LRRK1: variants seen among roughly 807,000 people sequenced by gnomAD.
LRRK1 encodes leucine rich repeat kinase 1.
LRRK1 carries 113 observed loss-of-function variants against 209.1 expected under a neutral mutation model. The ratio of observed to expected loss-of-function variants is 0.54; its 90% CI spans 0.46 to 0.63. The LOEUF is 0.63. Among genes scored for constraint, LRRK1 ranks in the 30% least tolerant of loss-of-function variants. LRRK1 has a pLI of 0.00. For missense variants in LRRK1, 2,284 were observed against 2,632.2 expected (o/e 0.87, Z 2.89); for synonymous variants, 1,144 against 1,099.7 (o/e 1.04, Z -0.80).
chr15:101,015,336 G>A lies in LRRK1; in HGVS notation c.1543G>A (p.Gly515Arg). Reference sequence around the variant, plus strand: ...TTTTCCTCCCCCCAGAAATGAAGATGGACTGAAAACGAAGCGTATTGCCTT... The same window carrying A: ...TTTTCCTCCCCCCAGAAATGAAGATAGACTGAAAACGAAGCGTATTGCCTT... ...SRNQLGKNED[G>R]LKTKRIAFFT... Residue 515 changes from glycine (G) to arginine (R), a missense_variant, in exon 12 of 34, where the codon GGA becomes AGA. Transcript: ENST00000388948. 6.2e-7 allele frequency: 1 copy of A among 1,613,596 alleles called. No homozygotes were observed. The highest frequency in any genetic ancestry group is 1.1e-5 in the South Asian group (1 of 91,000).
rs559716013 is a variant in LRRK1, at chr15:100,974,906, G to A, written c.261+939G>A. On this transcript the variant is annotated intron_variant, in intron 3 of 33. Coordinates refer to ENST00000388948, the MANE Select transcript of LRRK1 (RefSeq NM_024652.6). ...GCTATTATCATGAAAATACCTTAAG[G>A]ATGTTTTATTTGCATCACTTTGATT... Among the ~76,000 whole-genome samples the A allele has an allele frequency of 2.6e-5, 4 of 152,298 alleles. No individual in the cohort carries two copies. The South Asian group carries it at 8.3e-4, about 32-fold the overall frequency.
chr15:101,026,794 C>T (rs962278722), intron 17 of LRRK1, among the ~76,000 whole-genome samples: 3 of 152,190 alleles, frequency 2.0e-5, no homozygotes, highest in Non-Finnish European at 2.9e-5. Context: ...TTCCCTCGCC[C>T]GGGGCAGAGC....
intron 2 of LRRK1, among the ~76,000 whole-genome samples, chr15:100,947,749 C>T (rs1390529408): frequency 6.6e-6 from 1 of 152,156 alleles, no homozygotes; most frequent in African/African-American, 2.4e-5. Flanking sequence ...AGGAAGCTAT[C>T]ATGAAGAAGA....
chr15:100,927,625 A>G (rs1451026962), intron 2 of LRRK1, among the ~76,000 whole-genome samples: 2 of 152,202 alleles, frequency 1.3e-5, no homozygotes, highest in Non-Finnish European at 2.9e-5. Flanking sequence ...AATACAGAGA[A>G]CACAGAGTTG....
At chr15:100,956,937 A>G (rs138311091) in intron 2 of LRRK1, among the ~76,000 whole-genome samples, 47 of 152,288 alleles carry the variant, frequency 3.1e-4, no homozygotes, top group African/African-American at 1.1e-3. Flanking sequence ...CTGGCTGTCA[A>G]CTTTCATCTT....
chr15:101,021,183 G>T lies in LRRK1; in HGVS notation c.1739+1G>T. 6.2e-7 allele frequency: 1 copy of T among 1,614,008 alleles called. No homozygotes were observed. The highest frequency in any genetic ancestry group is 8.5e-7 in the Non-Finnish European group (1 of 1,179,924). On this transcript the variant is annotated splice_donor_variant, in intron 13 of 33. Coordinates refer to ENST00000388948, the MANE Select transcript of LRRK1 (RefSeq NM_024652.6). LOFTEE classifies it high-confidence loss of function. ...GCTTATCAGAGCTCTACTTGGGAAA[G>T]TAAGTACACATCTGGAGGGGCCGTG...
chr15:100,928,386 C>T (rs1249412479), intron 2 of LRRK1, among the ~76,000 whole-genome samples: 1 of 152,214 alleles, frequency 6.6e-6, no homozygotes, highest in East Asian at 1.9e-4. Context: ...CCCACCTTCT[C>T]CTAGACTTCC....
chr15:100,988,351 A>G (rs1044529845), intron 4 of LRRK1, among the ~76,000 whole-genome samples: 7 of 151,994 alleles, frequency 4.6e-5, no homozygotes, highest in Non-Finnish European at 1.0e-4. Flanking sequence ...CTTTGTGTCC[A>G]CGTGCATTCA....
intron 9 of LRRK1, 123 bp from the exon 10 acceptor site, chr15:101,011,885 C>G (rs1567231238): frequency 1.4e-6 from 1 of 723,330 alleles, no homozygotes; most frequent in Non-Finnish European, 2.3e-6. Flanking sequence ...ACTCAGTCAT[C>G]TTCATTACAG....
chr15:101,058,520 A>G (rs894831721), intron 29 of LRRK1, among the ~76,000 whole-genome samples: 6 of 148,948 alleles, frequency 4.0e-5, no homozygotes, highest in African/African-American at 1.5e-4. Flanking sequence ...AAAAATTAGA[A>G]AATTTAAAAC....
chr15:100,962,823 A>ATTTTTTTT (rs1161979293), intron 2 of LRRK1, among the ~76,000 whole-genome samples: 15 of 11,538 alleles, frequency 1.3e-3, no homozygotes, highest in Admixed American at 4.1e-3. Flanking sequence ...ATATATATAT[A>ATTTTTTTT]TTTTTTTTTT....
intron 2 of LRRK1, among the ~76,000 whole-genome samples, chr15:100,961,611 C>T (rs1312870248): frequency 2.0e-5 from 3 of 151,166 alleles, no homozygotes; most frequent in South Asian, 2.1e-4. Flanking sequence ...CGAGATCGCG[C>T]CACCGCACTC....
chr15:101,021,398 C>T (rs771150523), intron 13 of LRRK1, among the ~76,000 whole-genome samples: 5 of 152,204 alleles, frequency 3.3e-5, no homozygotes, highest in Non-Finnish European at 7.3e-5. Flanking sequence ...CACTACATCA[C>T]TTGGGCTGTG....
chr15:100,954,674 C>T lies in LRRK1; in HGVS notation c.98-19130C>T, dbSNP rs148635232. Among the ~76,000 whole-genome samples, 1,235 of 152,220 alleles carry T rather than the reference C, an allele frequency of 8.1e-3. 17 individuals are homozygous for T. Among genetic ancestry groups the T allele is most frequent in the African/African-American group, 0.028 (1,160 of 41,534 alleles). ...ATTTCTAGTTAATTTCTGTGCATGG[C>T]ATAAGATATGGGTCCAATTTCATTG... On this transcript the variant is annotated intron_variant, in intron 2 of 33. Coordinates refer to ENST00000388948, the MANE Select transcript of LRRK1 (RefSeq NM_024652.6).
intron 2 of LRRK1, among the ~76,000 whole-genome samples, chr15:100,958,550 G>T (rs1487760458): frequency 6.6e-6 from 1 of 152,214 alleles, no homozygotes; most frequent in Non-Finnish European, 1.5e-5. Context: ...TTATTCATTT[G>T]AATAGGCATG....
intron 2 of LRRK1, among the ~76,000 whole-genome samples, chr15:100,925,705 T>C (rs1385117355): frequency 2.6e-5 from 4 of 152,230 alleles, no homozygotes; most frequent in Non-Finnish European, 5.9e-5. Flanking sequence ...ATGTACAAAG[T>C]TCAGAACTTT....
chr15:101,065,776 C>T lies in LRRK1; in HGVS notation c.5339C>T (p.Pro1780Leu). 1 of 1,614,162 alleles carries T rather than the reference C, an allele frequency of 6.2e-7. No individual in the cohort carries two copies. The highest frequency in any genetic ancestry group is 8.5e-7 in the Non-Finnish European group (1 of 1,180,036). ...QLCARYFCGV[P>L]SPLRDMFPVR... ...TGTGCCCGGTACTTCTGCGGGGTCC[C>T]CAGCCCCCTCAGGGACATGTTTCCC... The change falls in exon 32 of 34, where the codon CCC (proline) becomes CTC (leucine). Residue 1780 changes from proline to leucine, a missense_variant. Coordinates refer to ENST00000388948, the MANE Select transcript of LRRK1 (RefSeq NM_024652.6).
chr15:100,921,452 G>T (rs1003446938), intron 1 of LRRK1, among the ~76,000 whole-genome samples: 6 of 152,236 alleles, frequency 3.9e-5, no homozygotes, highest in African/African-American at 1.4e-4. Context: ...AGAATCATGG[G>T]CTAACCATTT....
chr15:101,038,154 T>C (rs1046245470), intron 20 of LRRK1, among the ~76,000 whole-genome samples: 4 of 152,154 alleles, frequency 2.6e-5, no homozygotes, highest in Non-Finnish European at 4.4e-5. Flanking sequence ...CAAATTATAA[T>C]TGGGAGTTAA....
Sources: allele counts gnomAD v4.1 joint callset (sites outside exome capture counted in the v4.1 genomes callset), GRCh38; gene constraint gnomAD v4.1.1; transcripts MANE v1.5; gene names NCBI Gene and HGNC (gene_info 2026-07-23, HGNC 2026-07-21).